GABRG3: variants seen among roughly 807,000 people sequenced by gnomAD.
GABRG3 encodes gamma-aminobutyric acid type A receptor subunit gamma3.
GABRG3 carries 25 observed loss-of-function variants against 48.8 expected under a neutral mutation model. The ratio of observed to expected loss-of-function variants is 0.51; its 90% confidence interval spans 0.37 to 0.72. The LOEUF is 0.72. GABRG3 is among the 30% of genes least tolerant of loss of function. GABRG3 has a pLI of 0.00. For missense variants in GABRG3, 394 were observed against 577.9 expected, an observed-to-expected ratio of 0.68 and a Z score of 3.26; for synonymous variants, 227 against 217.6, an observed-to-expected ratio of 1.04 and a Z score of -0.38.
chr15:27,221,071 T>G (rs1160503547), intron 3 of GABRG3, among the ~76,000 whole-genome samples: 1 of 152,152 alleles, frequency 6.6e-6, no homozygotes, highest in African/African-American at 2.4e-5. Flanking sequence ...AGGAAATTGC[T>G]CAAGCTTATA....
intron 3 of GABRG3, among the ~76,000 whole-genome samples, chr15:27,081,440 T>TAATA (rs148338522): frequency 0.19 from 29,229 of 151,940 alleles, 2,877 homozygotes; most frequent in Middle Eastern, 0.25. Context: ...TATTAAATAT[T>TAATA]AATAAATTAT....
intron 3 of GABRG3, among the ~76,000 whole-genome samples, chr15:27,272,104 C>T (rs554542275): frequency 5.9e-5 from 9 of 152,262 alleles, no homozygotes; most frequent in Non-Finnish European, 1.0e-4. Context: ...GTCAGATGCC[C>T]TGGGCAGGGT....
intron 2 of GABRG3, among the ~76,000 whole-genome samples, chr15:26,980,568 A>G (rs1895033910): frequency 6.6e-6 from 1 of 151,738 alleles, no homozygotes; most frequent in South Asian, 2.1e-4. Flanking sequence ...AATCCCAGCT[A>G]CTGAGGAGGC....
chr15:27,040,331 C>G (rs1367385486), intron 3 of GABRG3, among the ~76,000 whole-genome samples: 1 of 152,212 alleles, frequency 6.6e-6, no homozygotes, highest in African/African-American at 2.4e-5. Flanking sequence ...TCGTTGCAAG[C>G]AGGCAGGCAG....
intron 3 of GABRG3, among the ~76,000 whole-genome samples, chr15:27,076,788 A>G (rs1350100549): frequency 6.6e-6 from 1 of 152,190 alleles, no homozygotes; most frequent in East Asian, 1.9e-4. Context: ...CAGAAGCCGG[A>G]AGAATGGGGA....
chr15:27,140,824 A>T (rs558583824), intron 3 of GABRG3, among the ~76,000 whole-genome samples: 1 of 152,078 alleles, frequency 6.6e-6, no homozygotes, highest in South Asian at 2.1e-4. Context: ...TTATTCATCT[A>T]TTGATTTTGT....
intron 2 of GABRG3, 39 bp from the exon 3 acceptor site, chr15:27,026,715 C>A: frequency 6.7e-7 from 1 of 1,499,426 alleles, no homozygotes; most frequent in Non-Finnish European, 9.2e-7. Flanking sequence ...TGTCTTTCTC[C>A]GGCACGAAGT....
intron 3 of GABRG3, among the ~76,000 whole-genome samples, chr15:27,074,413 T>C (rs1051419506): frequency 6.6e-6 from 1 of 151,980 alleles, no homozygotes; most frequent in African/African-American, 2.4e-5. Context: ...CGCTTCCTTC[T>C]GTGCTGCTGG....
chr15:27,324,603 C>T (rs147581153), intron 3 of GABRG3, among the ~76,000 whole-genome samples: 12 of 152,344 alleles, frequency 7.9e-5, no homozygotes, highest in African/African-American at 2.2e-4. Context: ...CCATGAAAGA[C>T]AGGCAGGCAA....
chr15:27,308,514 G>T (rs1326712979), intron 3 of GABRG3, among the ~76,000 whole-genome samples: 3 of 146,680 alleles, frequency 2.0e-5, no homozygotes, highest in Non-Finnish European at 4.5e-5. Context: ...TAAACATAAT[G>T]TAAACATACA....
intron 3 of GABRG3, among the ~76,000 whole-genome samples, chr15:27,318,915 G>C (rs1349942590): frequency 6.6e-6 from 1 of 152,154 alleles, no homozygotes; most frequent in African/African-American, 2.4e-5. Context: ...AGGAGATGTT[G>C]GTCAGTGGTC....
intron 3 of GABRG3, among the ~76,000 whole-genome samples, chr15:27,134,354 C>T (rs1897970453): frequency 6.6e-6 from 1 of 152,174 alleles, no homozygotes; most frequent in African/African-American, 2.4e-5. Flanking sequence ...TCCTTGTCCT[C>T]ACCATATTAA....
At chr15:27,402,949 T>A (rs1297048206) in intron 5 of GABRG3, among the ~76,000 whole-genome samples, 1 of 152,150 alleles carries the variant, frequency 6.6e-6, no homozygotes, top group East Asian at 1.9e-4. Context: ...CTAGAGCATG[T>A]ACCTATGTGA....
chr15:27,221,339 A>T (rs752913281), intron 3 of GABRG3, among the ~76,000 whole-genome samples: 6 of 152,074 alleles, frequency 3.9e-5, no homozygotes, highest in Admixed American at 2.0e-4. Context: ...CCAGTTCCCC[A>T]TGCGTTATTA....
In GABRG3 at chr15:27,511,916, T is replaced by G. The variant is rs1309055833; in HGVS notation, c.713-8056T>G. 2.6e-5 allele frequency among the ~76,000 whole-genome samples: 4 copies of G among 152,220 alleles called. No individual in the cohort carries two copies. In the East Asian group the frequency reaches 7.7e-4, roughly 29 times the overall value. On this transcript the variant is annotated intron_variant, in intron 6 of 9. Transcript: ENST00000615808. ...GGAAGTAAGCAACGCTGGAGATTTG[T>G]GGGAGGAACGTTCTAGCAACTAGAA...
At chr15:27,200,530 A>G (rs1224881873) in intron 3 of GABRG3, among the ~76,000 whole-genome samples, 1 of 152,144 alleles carries the variant, frequency 6.6e-6, no homozygotes, top group African/African-American at 2.4e-5. Context: ...ACATTACTGA[A>G]TACAGCAGGG....
chr15:27,437,633 C>A (rs115289531), intron 5 of GABRG3, among the ~76,000 whole-genome samples: 2,386 of 152,310 alleles, frequency 0.016, 43 homozygotes, highest in South Asian at 0.08. Flanking sequence ...TGCTACTCAG[C>A]GAAGCTGCCA....
chr15:27,416,446 G>A (rs1887942140), intron 5 of GABRG3, among the ~76,000 whole-genome samples: 1 of 152,136 alleles, frequency 6.6e-6, no homozygotes. Flanking sequence ...TATCTGCTGA[G>A]GGCAGCCTTT....
At chr15:26,991,282 C>G (rs1895242982) in intron 2 of GABRG3, among the ~76,000 whole-genome samples, 1 of 152,022 alleles carries the variant, frequency 6.6e-6, no homozygotes, top group Non-Finnish European at 1.5e-5. Context: ...GTTTATGTGT[C>G]TGTTTTTTAT....
Sources: allele counts gnomAD v4.1 joint callset (sites outside exome capture counted in the v4.1 genomes callset), GRCh38; gene constraint gnomAD v4.1.1; transcripts MANE v1.5; gene names NCBI Gene and HGNC (gene_info 2026-07-23, HGNC 2026-07-21).